Variants in RBFOX1 observed in about 807,000 individuals in gnomAD.
RBFOX1 encodes RNA binding fox-1 homolog 1, also known as RNA binding protein fox-1 homolog 1.
RBFOX1 carries 8 observed loss-of-function variants against 57.7 expected under a neutral mutation model. That is an observed-to-expected ratio of 0.14 (90% CI 0.08 to 0.25). The LOEUF (loss-of-function observed/expected upper bound fraction) is 0.25. Among genes scored for constraint, RBFOX1 ranks in the 10% least tolerant of loss-of-function variants. The pLI is 1.00. For synonymous variants in RBFOX1, 326 were observed against 222.4 expected (o/e 1.47, Z -4.15); for missense variants, 611 against 548.5 (o/e 1.11, Z -1.14).
intron 3 of RBFOX1, among the ~76,000 whole-genome samples, chr16:5,669,202 C>T (rs2049941511): frequency 6.6e-6 from 1 of 152,086 alleles, no homozygotes; most frequent in African/African-American, 2.4e-5. Flanking sequence ...TGCCTCGAGG[C>T]ATCTGTCCTA....
chr16:6,290,458 G>A (rs1160463380), intron 1 of RBFOX1, among the ~76,000 whole-genome samples: 1 of 151,968 alleles, frequency 6.6e-6, no homozygotes, highest in Non-Finnish European at 1.5e-5. Context: ...GAATTTTGCT[G>A]CATTACCTGA....
chr16:7,197,695 G>A (rs1321031360), intron 4 of RBFOX1, among the ~76,000 whole-genome samples: 3 of 152,182 alleles, frequency 2.0e-5, no homozygotes, highest in African/African-American at 4.8e-5. Context: ...CACCAGGTGT[G>A]TGGATAAACT....
intron 4 of RBFOX1, among the ~76,000 whole-genome samples, chr16:5,943,907 A>G (rs1004303759): frequency 6.6e-6 from 1 of 151,440 alleles, no homozygotes. Context: ...CTACTCATCC[A>G]TCCATCCACT....
chr16:6,411,897 G>T (rs1331916290), intron 2 of RBFOX1, among the ~76,000 whole-genome samples: 3 of 152,076 alleles, frequency 2.0e-5, no homozygotes, highest in African/African-American at 7.2e-5. Flanking sequence ...ACTTTGGGCG[G>T]CTGAGGTGGT....
In RBFOX1 at chr16:6,634,134, C is replaced by G. The variant is rs1016568357; in HGVS notation, c.-63-20469C>G. ...AGACTATATCTATATTCTACTATACCAGTTATTGTGAGTAATTCATGGAGG... is the reference window on the plus strand; with the variant it reads ...AGACTATATCTATATTCTACTATACGAGTTATTGTGAGTAATTCATGGAGG... On this transcript the variant is annotated intron_variant, in intron 2 of 15. Coordinates refer to ENST00000550418, the MANE Select transcript of RBFOX1 (RefSeq NM_018723.4). Among the ~76,000 whole-genome samples, 6 of 152,240 alleles carry G rather than the reference C, an allele frequency of 3.9e-5. No individual in the cohort carries two copies. In the East Asian group the frequency reaches 7.7e-4, roughly 20 times the overall value.
In RBFOX1 at chr16:6,608,490, T is replaced by G. The variant is rs568982921; in HGVS notation, c.-63-46113T>G. On this transcript the variant is annotated intron_variant, in intron 2 of 15. Transcript: ENST00000550418. ...CCCAAATTGTCACAAGCTTAGTGACTTAAAACAACAGAAATTGCCCAGGTA... is the reference window on the plus strand; with the variant it reads ...CCCAAATTGTCACAAGCTTAGTGACGTAAAACAACAGAAATTGCCCAGGTA... Among the ~76,000 whole-genome samples, 13 of 152,326 alleles carry G rather than the reference T, an allele frequency of 8.5e-5. No homozygotes were observed. In the South Asian group the frequency reaches 2.5e-3, roughly 29 times the overall value.
chr16:7,263,435 T>C (rs1327663468), intron 4 of RBFOX1, among the ~76,000 whole-genome samples: 1 of 152,166 alleles, frequency 6.6e-6, no homozygotes, highest in East Asian at 1.9e-4. Flanking sequence ...TGGAGAGTTT[T>C]AACTAGTCTT....
intron 4 of RBFOX1, among the ~76,000 whole-genome samples, chr16:5,935,103 G>C (rs538193606): frequency 6.6e-6 from 1 of 152,330 alleles, no homozygotes; most frequent in African/African-American, 2.4e-5. Context: ...TTTTACTGAA[G>C]CTTTGCAAAC....
intron 2 of RBFOX1, among the ~76,000 whole-genome samples, chr16:6,425,661 C>T (rs1396689704): frequency 1.3e-5 from 2 of 152,186 alleles, no homozygotes; most frequent in East Asian, 3.9e-4. Flanking sequence ...ACTTTGTAGG[C>T]ATTTCTGTGG....
intron 3 of RBFOX1, among the ~76,000 whole-genome samples, chr16:6,989,225 G>A (rs117633187): frequency 6.6e-6 from 1 of 152,044 alleles, no homozygotes; most frequent in South Asian, 2.1e-4. Context: ...GTGGCTATTA[G>A]AAAAATTTTA....
At chr16:6,135,690 A>G (rs2096661489) in intron 1 of RBFOX1, among the ~76,000 whole-genome samples, 1 of 152,080 alleles carries the variant, frequency 6.6e-6, no homozygotes, top group Non-Finnish European at 1.5e-5. Context: ...ATGACTAATC[A>G]TAAGGAATAA....
chr16:7,639,532 T>C (rs554595151), intron 11 of RBFOX1, among the ~76,000 whole-genome samples: 49 of 152,304 alleles, frequency 3.2e-4, no homozygotes, highest in African/African-American at 1.0e-3. Context: ...CCTGAAAATA[T>C]GCTGTGAAGA....
At chr16:6,327,827 G>A (rs1439388954) in intron 2 of RBFOX1, among the ~76,000 whole-genome samples, 1 of 152,154 alleles carries the variant, frequency 6.6e-6, no homozygotes, top group Non-Finnish European at 1.5e-5. Flanking sequence ...TCTTGACAAA[G>A]GTTAGGAAAT....
At position 5,396,880 on chromosome 16, in the gene RBFOX1, TA is replaced by T. The variant is rs2066574334; in HGVS notation, c.220-70335del. On this transcript the variant is annotated intron_variant, in intron 1 of 2. Coordinates refer to the RBFOX1 transcript ENST00000585867. ...AGTGGTAAATTGTTACCGTGATTTA[TA>T]GAGATTCTCAGCTGGAGGGGAATTT... 3.3e-5 allele frequency among the ~76,000 whole-genome samples: 5 copies of T among 152,342 alleles called. No homozygotes were observed. The South Asian group carries it at 1.0e-3, about 32-fold the overall frequency.
chr16:6,761,798 C>G (rs117513510), intron 3 of RBFOX1, among the ~76,000 whole-genome samples: 65 of 152,102 alleles, frequency 4.3e-4, no homozygotes, highest in Non-Finnish European at 6.9e-4. Context: ...AGCCACCACG[C>G]CTGGCCCTCT....
chr16:5,591,305 G>A (rs1243168273), intron 2 of RBFOX1, among the ~76,000 whole-genome samples: 6 of 148,930 alleles, frequency 4.0e-5, no homozygotes, highest in African/African-American at 1.2e-4. Context: ...AGGCTGGAGT[G>A]CCATGGCATG....
At chr16:7,074,603 A>T (rs984124384) in intron 4 of RBFOX1, among the ~76,000 whole-genome samples, 35 of 152,322 alleles carry the variant, frequency 2.3e-4, no homozygotes, top group African/African-American at 7.9e-4. Context: ...ATTTAAATAC[A>T]TATAATTGGA....
chr16:7,709,043 A>C lies in RBFOX1; in HGVS notation c.996-13A>C. 6.2e-7 allele frequency: 1 copy of C among 1,606,826 alleles called. No individual in the cohort carries two copies. On this transcript the variant is annotated splice_polypyrimidine_tract_variant and intron_variant, in intron 14 of 15. Coordinates refer to ENST00000550418, the MANE Select transcript of RBFOX1 (RefSeq NM_018723.4). ...ATACTGTGGATCAATCTTCACCTCT[A>C]TTTTCCTTTCAGTTACGGACGAGTT...
intron 3 of RBFOX1, among the ~76,000 whole-genome samples, chr16:5,808,043 G>A (rs933069417): frequency 6.6e-6 from 1 of 152,126 alleles, no homozygotes; most frequent in Non-Finnish European, 1.5e-5. Flanking sequence ...ATCCTAAGAG[G>A]GTTTTGTGGG....
Sources: gnomAD v4.1 joint callset for allele counts (sites outside exome capture counted in the v4.1 genomes callset) on GRCh38, gnomAD v4.1.1 for gene constraint, MANE v1.5 for transcripts, NCBI Gene and HGNC (gene_info 2026-07-23, HGNC 2026-07-21) for gene names.